SORCS3: variants seen among roughly 807,000 people sequenced by gnomAD.
SORCS3 encodes VPS10 domain-containing receptor SorCS3.
A neutral mutation model predicts 146.3 loss-of-function variants in SORCS3; 57 were observed. The observed-to-expected ratio is 0.39, with a 90% CI of 0.31 to 0.49. The LOEUF (loss-of-function observed/expected upper bound fraction) is 0.49. SORCS3 is among the 20% of genes least tolerant of loss of function. The probability of loss-of-function intolerance (pLI) is 0.92; values close to 1 mark genes in which losing one functional copy is unlikely to be tolerated. For missense variants in SORCS3, 1,341 were observed against 1,575.5 expected, an observed-to-expected ratio of 0.85 and a Z score of 2.52; for synonymous variants, 653 against 618.5, an observed-to-expected ratio of 1.06 and a Z score of -0.83.
At chr10:105,119,322 G>A (rs1325803877) in intron 7 of SORCS3, among the ~76,000 whole-genome samples, 1 of 152,176 alleles carries the variant, frequency 6.6e-6, no homozygotes, top group Non-Finnish European at 1.5e-5. Context: ...ATGCCTGGAT[G>A]TCCAGGCAGA....
At chr10:104,683,904 C>A (rs550119040) in intron 1 of SORCS3, among the ~76,000 whole-genome samples, 3 of 152,254 alleles carry the variant, frequency 2.0e-5, no homozygotes, top group African/African-American at 7.2e-5. Context: ...AGACCAAGGC[C>A]CTCTCATTGA....
chr10:105,260,734 C>T (rs1455853946), intron 25 of SORCS3, among the ~76,000 whole-genome samples: 1 of 152,150 alleles, frequency 6.6e-6, no homozygotes, highest in Non-Finnish European at 1.5e-5. Context: ...CTTGAGAATA[C>T]CACTGCTTGG....
At chr10:105,016,414 G>A (rs2055168233) in intron 4 of SORCS3, among the ~76,000 whole-genome samples, 1 of 151,458 alleles carries the variant, frequency 6.6e-6, no homozygotes, top group South Asian at 2.1e-4. Context: ...TTCCCAAAGT[G>A]CTGGGATTAC....
intron 3 of SORCS3, among the ~76,000 whole-genome samples, chr10:104,922,791 C>A (rs1206070432): frequency 6.6e-6 from 1 of 152,144 alleles, no homozygotes. Flanking sequence ...GTAACTAAGT[C>A]TACAGGTGAA....
At chr10:105,080,668 G>A (rs1477710164) in intron 5 of SORCS3, among the ~76,000 whole-genome samples, 1 of 151,766 alleles carries the variant, frequency 6.6e-6, no homozygotes, top group Non-Finnish European at 1.5e-5. Context: ...TTTTTTTATA[G>A]TTTTGGGTTT....
At chr10:105,171,141 A>G (rs1202751206) in intron 13 of SORCS3, among the ~76,000 whole-genome samples, 1 of 152,166 alleles carries the variant, frequency 6.6e-6, no homozygotes, top group Non-Finnish European at 1.5e-5. Context: ...TTAAGAGAAA[A>G]TAAGAGTAAT....
At chr10:104,728,397 G>A (rs1179706947) in intron 1 of SORCS3, among the ~76,000 whole-genome samples, 2 of 152,076 alleles carry the variant, frequency 1.3e-5, no homozygotes, top group Non-Finnish European at 2.9e-5. Context: ...TCTACTGCAG[G>A]GCTGAGAAAA....
intron 3 of SORCS3, among the ~76,000 whole-genome samples, chr10:104,949,841 C>A (rs1379729679): frequency 6.6e-6 from 1 of 152,174 alleles, no homozygotes; most frequent in Non-Finnish European, 1.5e-5. Flanking sequence ...TGTTCAGTTG[C>A]AGATTATTAG....
chr10:104,739,650 A>G (rs2016817748), intron 1 of SORCS3, among the ~76,000 whole-genome samples: 1 of 152,186 alleles, frequency 6.6e-6, no homozygotes, highest in Admixed American at 6.5e-5. Flanking sequence ...TCAGTCTCAG[A>G]TGCTCTTAAA....
At chr10:105,097,440 A>G (rs1564753099) in intron 6 of SORCS3, among the ~76,000 whole-genome samples, 1 of 152,152 alleles carries the variant, frequency 6.6e-6, no homozygotes. Context: ...TCTCTGACAC[A>G]GTTACTCAGT....
intron 1 of SORCS3, among the ~76,000 whole-genome samples, chr10:104,784,704 A>G (rs2017412247): frequency 6.6e-6 from 1 of 152,194 alleles, no homozygotes; most frequent in African/African-American, 2.4e-5. Context: ...AGGCTGACAT[A>G]GCTTATCACC....
intron 5 of SORCS3, among the ~76,000 whole-genome samples, chr10:105,068,446 G>C (rs1290357290): frequency 6.6e-6 from 1 of 152,044 alleles, no homozygotes; most frequent in Non-Finnish European, 1.5e-5. Context: ...CTTCAGCCAG[G>C]TCCTCCTCTT....
chr10:105,016,155 A>ATATTTTTT lies in SORCS3; in HGVS notation c.955-26899_955-26898insATTTTTTT, dbSNP rs71482443. On this transcript the variant is annotated intron_variant, in intron 4 of 26. Transcript: ENST00000369701. ...TATAAATATATATATATATATATAT[A>ATATTTTTT]TTTTTTTTTTTTTTTGAGATGGAGT... 4.9e-3 allele frequency among the ~76,000 whole-genome samples: 493 copies of ATATTTTTT among 101,314 alleles called. 15 individuals are homozygous for ATATTTTTT. The highest frequency in any genetic ancestry group is 0.022 in the African/African-American group (457 of 20,668). The allele number at this position is 101,314 out of a possible 152,430, so 66.5% of individuals were successfully genotyped here. A position where few individuals can be genotyped will look rare whatever the true frequency, so the allele number is the denominator to read the frequency against.
At chr10:104,958,209 G>A (rs1293020482) in intron 3 of SORCS3, among the ~76,000 whole-genome samples, 1 of 152,056 alleles carries the variant, frequency 6.6e-6, no homozygotes, top group Non-Finnish European at 1.5e-5. Flanking sequence ...ACTCAACTTG[G>A]GAGGGAGAGT....
At chr10:105,068,009 CA>C (rs1050568043) in intron 5 of SORCS3, among the ~76,000 whole-genome samples, 8 of 151,970 alleles carry the variant, frequency 5.3e-5, no homozygotes, top group African/African-American at 1.9e-4. Flanking sequence ...TAAAGATTAC[CA>C]AACCCTATCT....
intron 14 of SORCS3, among the ~76,000 whole-genome samples, chr10:105,190,319 G>T (rs988196662): frequency 2.6e-5 from 4 of 152,182 alleles, no homozygotes; most frequent in Non-Finnish European, 5.9e-5. Flanking sequence ...TGTTAAATGG[G>T]AGTAACGAAT....
intron 5 of SORCS3, among the ~76,000 whole-genome samples, chr10:105,061,448 C>G (rs982986455): frequency 6.6e-6 from 1 of 151,806 alleles, no homozygotes; most frequent in Non-Finnish European, 1.5e-5. Context: ...GCGCCTGCCA[C>G]CACACCTGGC....
At chr10:105,108,853 A>C (rs1042367577) in intron 7 of SORCS3, among the ~76,000 whole-genome samples, 3 of 152,202 alleles carry the variant, frequency 2.0e-5, no homozygotes, top group East Asian at 1.9e-4. Context: ...TGTAGGTACA[A>C]ATATAAATCA....
intron 1 of SORCS3, among the ~76,000 whole-genome samples, chr10:104,804,883 G>A (rs879411046): frequency 1.3e-5 from 2 of 152,158 alleles, no homozygotes; most frequent in Non-Finnish European, 2.9e-5. Context: ...CCTTAGGAAA[G>A]GGTGGACTCT....
Sources: allele counts gnomAD v4.1 joint callset (sites outside exome capture counted in the v4.1 genomes callset), GRCh38; gene constraint gnomAD v4.1.1; transcripts MANE v1.5; gene names NCBI Gene and HGNC (gene_info 2026-07-23, HGNC 2026-07-21).